Variants in ZNF385D observed in about 807,000 individuals in gnomAD.
ZNF385D encodes the protein zinc finger protein 385D, also known as zinc finger protein 659.
A neutral mutation model predicts 35.8 loss-of-function variants in ZNF385D; 15 were observed. The ratio of observed to expected loss-of-function variants is 0.42; its 90% confidence interval spans 0.28 to 0.64. ZNF385D has a LOEUF of 0.64. Ranked by LOEUF, ZNF385D falls within the 30% of genes least tolerant of loss-of-function variation. The pLI, the probability that ZNF385D is intolerant of heterozygous loss-of-function variation, is 0.23. For missense variants in ZNF385D, 474 were observed against 494.6 expected (o/e 0.96, Z 0.39); for synonymous variants, 212 against 186.8 (o/e 1.13, Z -1.10).
chr3:22,079,469 C>T (rs1358995515), intron 3 of ZNF385D, among the ~76,000 whole-genome samples: 1 of 151,772 alleles, frequency 6.6e-6, no homozygotes, highest in Non-Finnish European at 1.5e-5. Flanking sequence ...AAAAGTTTAG[C>T]TTGGAAACTG....
chr3:21,993,549 A>C (rs2125399960), intron 3 of ZNF385D, among the ~76,000 whole-genome samples: 1 of 152,342 alleles, frequency 6.6e-6, no homozygotes, highest in Middle Eastern at 3.4e-3. Flanking sequence ...TCACTGTTTG[A>C]TTAAACTATG....
chr3:22,163,590 T>C (rs898024713), intron 3 of ZNF385D, among the ~76,000 whole-genome samples: 1 of 152,210 alleles, frequency 6.6e-6, no homozygotes, highest in Non-Finnish European at 1.5e-5. Flanking sequence ...AATCACACAA[T>C]ATTCAAATAT....
intron 2 of ZNF385D, among the ~76,000 whole-genome samples, chr3:22,279,567 T>C (rs1224458054): frequency 6.8e-6 from 1 of 146,092 alleles, no homozygotes; most frequent in Admixed American, 6.9e-5. Flanking sequence ...TATGTACATA[T>C]ATATGTATAT....
At chr3:22,250,310 A>G (rs570922782) in intron 2 of ZNF385D, among the ~76,000 whole-genome samples, 16 of 151,920 alleles carry the variant, frequency 1.1e-4, no homozygotes, top group African/African-American at 3.4e-4. Flanking sequence ...TCTAATTTTG[A>G]TGGGAATAAT....
chr3:21,428,629 CTT>C (rs1701135725), intron 5 of ZNF385D, among the ~76,000 whole-genome samples: 1 of 151,996 alleles, frequency 6.6e-6, no homozygotes, highest in Non-Finnish European at 1.5e-5. Context: ...AATGGTGACA[CTT>C]TGCGAAGATA....
chr3:21,563,027 G>C (rs2063010565), intron 3 of ZNF385D, among the ~76,000 whole-genome samples: 1 of 152,118 alleles, frequency 6.6e-6, no homozygotes, highest in African/African-American at 2.4e-5. Flanking sequence ...CTTAAGTGCT[G>C]GTATGGTCTG....
chr3:21,822,957 A>C (rs767120525), intron 3 of ZNF385D, among the ~76,000 whole-genome samples: 8 of 152,182 alleles, frequency 5.3e-5, no homozygotes, highest in Non-Finnish European at 7.3e-5. Context: ...GAATTACTCA[A>C]AATTCAGAAG....
At chr3:21,596,552 C>T (rs188781989) in intron 2 of ZNF385D, among the ~76,000 whole-genome samples, 49 of 151,552 alleles carry the variant, frequency 3.2e-4, no homozygotes, top group Non-Finnish European at 6.5e-4. Flanking sequence ...GTCTCTTGCT[C>T]TCACCCAGGC....
Position 21,597,977 on chromosome 3 carries a change from T to C in ZNF385D, c.166-33293A>G, listed in dbSNP as rs939638725. ...AGCAAAAGATGATCTGACAGGATGA[T>C]TGAGATTACAAAGAAGAAGTATTAA... is the stretch of plus-strand genomic sequence containing the variant. On this transcript the variant is annotated intron_variant, in intron 2 of 7. Transcript: ENST00000281523. Among the ~76,000 whole-genome samples the C allele has an allele frequency of 2.6e-5, 4 of 152,162 alleles. 1 individual carries two copies. In the South Asian group the frequency reaches 6.2e-4, roughly 24 times the overall value.
intron 1 of ZNF385D, among the ~76,000 whole-genome samples, chr3:21,719,823 T>G (rs539333578): frequency 2.0e-3 from 309 of 152,314 alleles, no homozygotes; most frequent in African/African-American, 7.2e-3. Flanking sequence ...GCTGCATCTC[T>G]TTTGCTGTGT....
At chr3:21,648,622 CTG>C (rs1388521823) in intron 2 of ZNF385D, among the ~76,000 whole-genome samples, 2 of 152,098 alleles carry the variant, frequency 1.3e-5, no homozygotes, top group Non-Finnish European at 2.9e-5. Context: ...ATTAAAATCT[CTG>C]TATGATTCTA....
At chr3:21,602,032 G>GT (rs2064307907) in intron 2 of ZNF385D, among the ~76,000 whole-genome samples, 1 of 152,226 alleles carries the variant, frequency 6.6e-6, no homozygotes, top group Admixed American at 6.5e-5. Context: ...TTGACTTACA[G>GT]TTCCACATGG....
intron 2 of ZNF385D, among the ~76,000 whole-genome samples, chr3:22,363,323 A>G (rs577184673): frequency 1.3e-5 from 2 of 152,306 alleles, no homozygotes; most frequent in South Asian, 4.1e-4. Context: ...GCTCAAGCTC[A>G]CTGACCCGCA....
At chr3:21,514,113 T>A (rs1707407850) in intron 3 of ZNF385D, among the ~76,000 whole-genome samples, 1 of 152,178 alleles carries the variant, frequency 6.6e-6, no homozygotes, top group African/African-American at 2.4e-5. Context: ...TGCTTTTCTT[T>A]TGAGCAGAGG....
At chr3:22,041,214 T>C (rs1025486219) in intron 3 of ZNF385D, among the ~76,000 whole-genome samples, 6 of 152,130 alleles carry the variant, frequency 3.9e-5, no homozygotes, top group African/African-American at 1.4e-4. Flanking sequence ...AAAAACTCTC[T>C]GAAAAATCTC....
At chr3:21,611,352 A>G (rs765803094) in intron 2 of ZNF385D, among the ~76,000 whole-genome samples, 2 of 152,200 alleles carry the variant, frequency 1.3e-5, no homozygotes, top group African/African-American at 2.4e-5. Context: ...TGCGCTTGCA[A>G]TCCAGGTGGG....
At chr3:21,829,148 T>C (rs1463647510) in intron 3 of ZNF385D, among the ~76,000 whole-genome samples, 1 of 152,228 alleles carries the variant, frequency 6.6e-6, no homozygotes, top group Non-Finnish European at 1.5e-5. Context: ...GAAGGAAGTT[T>C]ACCTTTTCCA....
intron 2 of ZNF385D, among the ~76,000 whole-genome samples, chr3:21,602,360 A>G (rs1468852383): frequency 6.6e-6 from 1 of 152,012 alleles, no homozygotes; most frequent in Non-Finnish European, 1.5e-5. Flanking sequence ...AATCTAGCAC[A>G]TATTGGCCAG....
intron 2 of ZNF385D, among the ~76,000 whole-genome samples, chr3:22,319,165 A>T (rs1222003237): frequency 1.3e-5 from 2 of 152,160 alleles, no homozygotes; most frequent in Non-Finnish European, 2.9e-5. Context: ...TTAGAAGCAC[A>T]TGGGGGAAAA....
Sources: gnomAD v4.1 joint callset for allele counts (sites outside exome capture counted in the v4.1 genomes callset) on GRCh38, gnomAD v4.1.1 for gene constraint, MANE v1.5 for transcripts, NCBI Gene and HGNC (gene_info 2026-07-23, HGNC 2026-07-21) for gene names.